ADORA2B: variants seen among roughly 807,000 people sequenced by gnomAD.
ADORA2B encodes adenosine A2b receptor.
In ADORA2B, 18 loss-of-function variants were observed where a neutral mutation model predicts 20.8. The ratio of observed to expected loss-of-function variants is 0.87; its 90% CI spans 0.60 to 1.29. The LOEUF is 1.29. ADORA2B is among the 50% of genes most tolerant of loss of function. ADORA2B has a pLI of 0.00. For missense variants in ADORA2B, 441 were observed against 422.7 expected, an observed-to-expected ratio of 1.04 and a Z score of -0.38; for synonymous variants, 179 against 178.3, an observed-to-expected ratio of 1.00 and a Z score of -0.03.
intron 1 of ADORA2B, among the ~76,000 whole-genome samples, chr17:15,967,980 G>T (rs1186109776): frequency 6.6e-6 from 1 of 152,212 alleles, no homozygotes; most frequent in East Asian, 1.9e-4. Context: ...TCTCTGTGCG[G>T]CTCCTTCTAG....
At chr17:15,920,933 T>A in the ADORA2B span, among the ~76,000 whole-genome samples, 1 of 152,320 alleles carries the variant, frequency 6.6e-6, no homozygotes, top group Non-Finnish European at 1.5e-5. Context: ...CTGCTGATGG[T>A]CTTCTCAGAC....
At chr17:15,910,950 C>T in the ADORA2B span, among the ~76,000 whole-genome samples, 3 of 152,190 alleles carry the variant, frequency 2.0e-5, no homozygotes, top group Admixed American at 6.5e-5. Context: ...TTCAGGGCAC[C>T]GTTTTGAAAA....
chr17:15,932,667 T>C, the ADORA2B span, among the ~76,000 whole-genome samples: 1 of 152,168 alleles, frequency 6.6e-6, no homozygotes, highest in East Asian at 1.9e-4. Flanking sequence ...TGCATGTGGA[T>C]ACCCAGCTGT....
intron 1 of ADORA2B, among the ~76,000 whole-genome samples, chr17:15,972,473 A>C (rs1970201027): frequency 6.6e-6 from 1 of 152,244 alleles, no homozygotes; most frequent in Admixed American, 6.5e-5. Flanking sequence ...GTTAATAACA[A>C]AATGTGTACC....
At chr17:15,941,370 G>C (rs1255597624), upstream of ADORA2B, among the ~76,000 whole-genome samples, 1 of 152,148 alleles carries the variant, frequency 6.6e-6, no homozygotes, top group Non-Finnish European at 1.5e-5. Flanking sequence ...AGCAGAGCTG[G>C]GAATCAAACC....
the ADORA2B span, among the ~76,000 whole-genome samples, chr17:15,880,215 C>A: frequency 5.1e-5 from 7 of 138,562 alleles, no homozygotes; most frequent in African/African-American, 2.0e-4. Context: ...GAAGTCTCTT[C>A]CTCTGAACTG....
the ADORA2B span, among the ~76,000 whole-genome samples, chr17:15,918,025 T>C: frequency 6.6e-6 from 1 of 152,218 alleles, no homozygotes; most frequent in Admixed American, 6.5e-5. Flanking sequence ...CACCTTAGAC[T>C]GGGCAGCTTA....
the ADORA2B span, among the ~76,000 whole-genome samples, chr17:15,854,984 C>T: frequency 6.6e-6 from 1 of 151,190 alleles, no homozygotes; most frequent in Non-Finnish European, 1.5e-5. Flanking sequence ...GGCTAGAGTG[C>T]AATGGCACCA....
intron 1 of ADORA2B, among the ~76,000 whole-genome samples, chr17:15,971,389 G>C (rs1342051934): frequency 6.6e-6 from 1 of 152,190 alleles, no homozygotes; most frequent in Non-Finnish European, 1.5e-5. Flanking sequence ...AAAAAACTGA[G>C]CCCAGCAGGT....
the ADORA2B span, among the ~76,000 whole-genome samples, chr17:15,938,259 A>T: frequency 6.6e-6 from 1 of 152,196 alleles, no homozygotes; most frequent in African/African-American, 2.4e-5. Flanking sequence ...AAAGAGATTT[A>T]TCAAATTTTT....
chr17:15,936,941 G>A, the ADORA2B span, among the ~76,000 whole-genome samples: 2 of 152,158 alleles, frequency 1.3e-5, no homozygotes, highest in Non-Finnish European at 2.9e-5. Context: ...GGACAACAGA[G>A]TGAGACTCTA....
At chr17:15,944,026 G>A (rs528774469), upstream of ADORA2B, among the ~76,000 whole-genome samples, 2 of 152,192 alleles carry the variant, frequency 1.3e-5, no homozygotes, top group East Asian at 3.9e-4. This position sits in a 1 kb window ranked among gnomAD's most constrained non-coding sequence, Gnocchi z 4.8. Context: ...GGAGGGACTC[G>A]GGGCAGGACT....
At chr17:15,896,157 G>A in the ADORA2B span, among the ~76,000 whole-genome samples, 2 of 152,192 alleles carry the variant, frequency 1.3e-5, no homozygotes, top group African/African-American at 4.8e-5. Context: ...TCAGATACAG[G>A]AAGCCCCTGG....
At chr17:15,960,089 G>A (rs1003418074) in intron 1 of ADORA2B, among the ~76,000 whole-genome samples, 3 of 152,058 alleles carry the variant, frequency 2.0e-5, no homozygotes, top group South Asian at 4.2e-4. Context: ...GCAACACAGC[G>A]AGGCCCCATC....
At chr17:15,963,848 T>G (rs1035587973) in intron 1 of ADORA2B, among the ~76,000 whole-genome samples, 1 of 152,328 alleles carries the variant, frequency 6.6e-6, no homozygotes, top group African/African-American at 2.4e-5. Flanking sequence ...TAGGGGACTG[T>G]GAAGGACAAA....
chr17:15,888,815 C>CATATATATATATATAT, the ADORA2B span, among the ~76,000 whole-genome samples: 8 of 15,734 alleles, frequency 5.1e-4, no homozygotes, highest in African/African-American at 1.7e-3. Flanking sequence ...TATGTGATGC[C>CATATATATATATATAT]ATATATATAT....
chr17:15,883,142 CAG>C, the ADORA2B span, among the ~76,000 whole-genome samples: 21 of 152,280 alleles, frequency 1.4e-4, no homozygotes, highest in African/African-American at 2.2e-4. Context: ...AAGAGGTTAA[CAG>C]GGGGCTGAAG....
At chr17:15,942,876 A>C (rs1180475597), upstream of ADORA2B, among the ~76,000 whole-genome samples, 1 of 151,148 alleles carries the variant, frequency 6.6e-6, no homozygotes, top group Non-Finnish European at 1.5e-5. Flanking sequence ...CCTAACTACC[A>C]CCTCTGCCTG....
chr17:15,891,845 C>CT, the ADORA2B span, among the ~76,000 whole-genome samples: 3,909 of 107,816 alleles, frequency 0.036, 244 homozygotes, highest in African/African-American at 0.1. Context: ...CAATGCCCAG[C>CT]TTTTTTTTTT....
Sources: allele counts gnomAD v4.1 joint callset (sites outside exome capture counted in the v4.1 genomes callset), GRCh38; gene constraint gnomAD v4.1.1; non-coding constraint Gnocchi (gnomAD v3.1); transcripts MANE v1.5; gene names NCBI Gene and HGNC (gene_info 2026-07-23, HGNC 2026-07-21).